Variants in SP4 observed in about 807,000 individuals in gnomAD.
SP4 encodes transcription factor Sp4.
A neutral mutation model predicts 72.8 loss-of-function variants in SP4; 19 were observed. The observed-to-expected ratio is 0.26, with a 90% CI of 0.18 to 0.38. The LOEUF is 0.38. SP4 is among the 10% of genes least tolerant of loss of function. SP4 has a pLI of 1.00. For synonymous variants in SP4, 395 were observed against 333.1 expected, an observed-to-expected ratio of 1.19 and a Z score of -2.02; for missense variants, 1,008 against 926.3, an observed-to-expected ratio of 1.09 and a Z score of -1.14.
At chr7:21,453,165 T>C (rs1304476839) in intron 3 of SP4, among the ~76,000 whole-genome samples, 2 of 152,230 alleles carry the variant, frequency 1.3e-5, no homozygotes, top group Non-Finnish European at 2.9e-5. Flanking sequence ...CAAAAAGTCA[T>C]AAAAGGATTA....
intron 3 of SP4, among the ~76,000 whole-genome samples, chr7:21,443,785 C>T (rs1191577938): frequency 6.6e-6 from 1 of 152,124 alleles, no homozygotes; most frequent in Non-Finnish European, 1.5e-5. Context: ...ATGACAAGTA[C>T]TAACGGGATT....
intron 5 of SP4, among the ~76,000 whole-genome samples, chr7:21,506,097 A>G (rs908638341): frequency 6.6e-6 from 1 of 152,212 alleles, no homozygotes; most frequent in Non-Finnish European, 1.5e-5. Flanking sequence ...TTCCTACTTC[A>G]GGAACAAGTG....
At chr7:21,459,135 T>TTTTGC (rs1306826687) in intron 3 of SP4, among the ~76,000 whole-genome samples, 1 of 152,096 alleles carries the variant, frequency 6.6e-6, no homozygotes, top group Non-Finnish European at 1.5e-5. Context: ...TTTTGTTTTG[T>TTTTGC]TTTGAGTGAG....
At chr7:21,449,537 G>C (rs1447301771) in intron 3 of SP4, among the ~76,000 whole-genome samples, 1 of 151,968 alleles carries the variant, frequency 6.6e-6, no homozygotes, top group Non-Finnish European at 1.5e-5. Flanking sequence ...ATACATATGC[G>C]TGTATAGGTA....
chr7:21,443,007 A>T (rs1783309813), intron 3 of SP4, among the ~76,000 whole-genome samples: 1 of 152,208 alleles, frequency 6.6e-6, no homozygotes, highest in Non-Finnish European at 1.5e-5. Flanking sequence ...AAGTGCTGGG[A>T]TTACAGGTTT....
intron 3 of SP4, among the ~76,000 whole-genome samples, chr7:21,469,099 A>C (rs1784251306): frequency 6.6e-6 from 1 of 152,208 alleles, no homozygotes; most frequent in Non-Finnish European, 1.5e-5. Flanking sequence ...TACTTATAAT[A>C]AGTATTTGGA....
intron 5 of SP4, among the ~76,000 whole-genome samples, chr7:21,498,384 G>A (rs1282696293): frequency 6.6e-6 from 1 of 152,124 alleles, no homozygotes; most frequent in Non-Finnish European, 1.5e-5. Flanking sequence ...CAATCCTAGT[G>A]TATACCAAGG....
At chr7:21,448,282 A>G (rs1783487439) in intron 3 of SP4, among the ~76,000 whole-genome samples, 1 of 151,118 alleles carries the variant, frequency 6.6e-6, no homozygotes, top group African/African-American at 2.4e-5. Flanking sequence ...AAAAAAGAAA[A>G]TTGTGCTTTC....
At chr7:21,500,729 A>G (rs1017058398) in intron 5 of SP4, among the ~76,000 whole-genome samples, 1 of 152,160 alleles carries the variant, frequency 6.6e-6, no homozygotes, top group Non-Finnish European at 1.5e-5. Context: ...TCACTATTCT[A>G]ATCTCCCTGA....
chr7:21,498,517 A>T (rs2128415359), intron 5 of SP4, among the ~76,000 whole-genome samples: 1 of 151,888 alleles, frequency 6.6e-6, no homozygotes, highest in East Asian at 2.0e-4. Context: ...ATAGACTGGG[A>T]GTAAGGTAGG....
chr7:21,490,954 A>G (rs1330334110), intron 5 of SP4, among the ~76,000 whole-genome samples: 1 of 152,230 alleles, frequency 6.6e-6, no homozygotes, highest in African/African-American at 2.4e-5. Flanking sequence ...TTTCCAGAGA[A>G]TTTTTAACAG....
intron 5 of SP4, among the ~76,000 whole-genome samples, chr7:21,488,442 T>G (rs898140509): frequency 1.3e-5 from 2 of 152,038 alleles, no homozygotes; most frequent in African/African-American, 2.4e-5. Context: ...TTGCAGACAT[T>G]TGATATAATC....
Position 21,429,829 on chromosome 7 carries a change from C to A in SP4, c.664C>A (p.Gln222Lys). 1 of 1,614,210 alleles carries A rather than the reference C, an allele frequency of 6.2e-7. No homozygotes were observed. Among genetic ancestry groups the A allele is most frequent in the South Asian group, 1.1e-5 (1 of 91,078 alleles). ...NRTASGNILA[Q>K]NLANQTVPVQ... ...GACAGCTTCTGGGAATATTCTTGCT[C>A]AAAACCTGGCAAATCAGACAGTTCC... The change falls in exon 3 of 6, where the codon CAA becomes AAA. Residue 222 changes from glutamine to lysine, a missense_variant. Transcript: ENST00000222584.
intron 3 of SP4, among the ~76,000 whole-genome samples, chr7:21,450,483 G>A (rs1783555734): frequency 6.6e-6 from 1 of 152,110 alleles, no homozygotes; most frequent in African/African-American, 2.4e-5. Flanking sequence ...ATTGGATCCA[G>A]TTTGGTGTTC....
chr7:21,428,193 C>CCCCCCCCCAA lies in SP4; in HGVS notation c.-59_-58insCCCCCCCCAA. Reference sequence around the variant, plus strand: ...CCGGCCTCTCCTCCCGCCTCGCCCCCACCCCCACCCACCTCTATCCCAGTG... The same window carrying CCCCCCCCCAA: ...CCGGCCTCTCCTCCCGCCTCGCCCCCCCCCCCCCAAACCCCCACCCACCTCTATCCCAGTG... On this transcript the variant is annotated 5_prime_UTR_variant, in exon 1 of 6. Transcript: ENST00000222584. 1 of 840,660 alleles carries CCCCCCCCCAA rather than the reference C, an allele frequency of 1.2e-6. No homozygotes were observed. The highest frequency in any genetic ancestry group is 1.9e-6 in the Non-Finnish European group (1 of 526,620). 52.1% of individuals were successfully genotyped at this position (840,660 alleles called of 1,614,324 possible).
intron 3 of SP4, among the ~76,000 whole-genome samples, chr7:21,440,958 G>A (rs1476776542): frequency 6.6e-6 from 1 of 152,188 alleles, no homozygotes; most frequent in Non-Finnish European, 1.5e-5. Flanking sequence ...CCCTTGTTAG[G>A]TTCTGAAGAT....
intron 3 of SP4, among the ~76,000 whole-genome samples, chr7:21,437,740 T>C (rs1358773180): frequency 6.6e-6 from 1 of 152,082 alleles, no homozygotes; most frequent in African/African-American, 2.4e-5. Context: ...CCTGTGAAAA[T>C]GATTTGGGAT....
chr7:21,431,553 G>T lies in SP4; in HGVS notation c.1678+710G>T, dbSNP rs149084003. On this transcript the variant is annotated intron_variant, in intron 3 of 5. Coordinates refer to ENST00000222584, the MANE Select transcript of SP4 (RefSeq NM_003112.5). ...AGGTTGGTGGAAAGCAATGAAAAAT[G>T]TTGACAGTAAAATGTCACTAATTTG... Among the ~76,000 whole-genome samples, 111 of 152,324 alleles carry T rather than the reference G, an allele frequency of 7.3e-4. 1 individual carries two copies. The highest frequency in any genetic ancestry group is 3.4e-3 in the Middle Eastern group (1 of 294).
In SP4 at chr7:21,512,726, C is replaced by A. The variant is rs1185776997; in HGVS notation, c.*1457C>A. The stretch of plus-strand genomic sequence containing the variant: ...AACAGGCGCCTGCCACCATGCCTGG[C>A]TAATTTTTGTATTTTTAGTAGAGAC... On this transcript the variant is annotated 3_prime_UTR_variant, in exon 6 of 6. Transcript: ENST00000222584. 1.3e-5 allele frequency: 2 copies of A among 152,306 alleles called. No homozygotes were observed. The highest frequency in any genetic ancestry group is 2.4e-5 in the African/African-American group (1 of 41,404). The allele number at this position is 152,306 out of a possible 1,614,324, so 9.4% of individuals were successfully genotyped here.
Sources: gnomAD v4.1 joint callset for allele counts (sites outside exome capture counted in the v4.1 genomes callset) on GRCh38, gnomAD v4.1.1 for gene constraint, MANE v1.5 for transcripts, NCBI Gene and HGNC (gene_info 2026-07-23, HGNC 2026-07-21) for gene names.